RUNX1: variants seen among roughly 807,000 people sequenced by gnomAD.
RUNX1 encodes RUNX family transcription factor 1.
In RUNX1, 19 loss-of-function variants were observed where a neutral mutation model predicts 42.8. The ratio of observed to expected loss-of-function variants is 0.44; its 90% confidence interval spans 0.31 to 0.65. The LOEUF is 0.65. Ranked by LOEUF, RUNX1 falls within the 30% of genes least tolerant of loss-of-function variation. The pLI, the probability that RUNX1 is intolerant of heterozygous loss-of-function variation, is 0.07. For synonymous variants in RUNX1, 271 were observed against 289.4 expected (o/e 0.94, Z 0.64); for missense variants, 528 against 672.0 (o/e 0.79, Z 2.37).
At chr21:34,935,418 C>T (rs1025967286) in intron 2 of RUNX1, among the ~76,000 whole-genome samples, 2 of 151,996 alleles carry the variant, frequency 1.3e-5, no homozygotes, top group South Asian at 2.1e-4. Context: ...CAAACACATA[C>T]GGTATATGGA....
intron 6 of RUNX1, among the ~76,000 whole-genome samples, chr21:34,846,630 G>C (rs56399902): frequency 0.024 from 3,687 of 152,122 alleles, 48 homozygotes; most frequent in African/African-American, 0.03. Flanking sequence ...TAGACTCCAC[G>C]GGCAGGCCCG....
chr21:34,989,177 T>C (rs1021550463), intron 2 of RUNX1, among the ~76,000 whole-genome samples: 5 of 152,026 alleles, frequency 3.3e-5, no homozygotes, highest in African/African-American at 9.7e-5. Flanking sequence ...CCCAGCTAAT[T>C]TTTGTATTTT....
At chr21:34,840,107 T>C (rs191038898) in intron 6 of RUNX1, among the ~76,000 whole-genome samples, 1 of 152,340 alleles carries the variant, frequency 6.6e-6, no homozygotes, top group East Asian at 1.9e-4. Context: ...ACTGTCATGA[T>C]AATCAGTCTG....
At chr21:35,035,429 G>A (rs544216495) in intron 2 of RUNX1, among the ~76,000 whole-genome samples, 1 of 152,334 alleles carries the variant, frequency 6.6e-6, no homozygotes, top group South Asian at 2.1e-4. Flanking sequence ...AAGCCGAAGA[G>A]AATCTGGACT....
intron 2 of RUNX1, among the ~76,000 whole-genome samples, chr21:34,914,643 T>C (rs2058297919): frequency 6.6e-6 from 1 of 152,162 alleles, no homozygotes; most frequent in Non-Finnish European, 1.5e-5. Context: ...CTCCCTCCAC[T>C]TGGAGCTAGT....
chr21:34,792,682 C>T lies in RUNX1; in HGVS notation c.968-72G>A. On this transcript the variant is annotated intron_variant, in intron 8 of 8. Coordinates refer to ENST00000675419, the MANE Select transcript of RUNX1 (RefSeq NM_001754.5). The surrounding 1 kb of genome is among the most constrained non-coding windows in gnomAD (Gnocchi z 6.9). ...GGAGGCCACAGCTCTTCCCTCTGCCCCAGGGGGCTACCCAGGATGATACCG... is the reference window on the plus strand; with the variant it reads ...GGAGGCCACAGCTCTTCCCTCTGCCTCAGGGGGCTACCCAGGATGATACCG... 1.4e-6 allele frequency: 2 copies of T among 1,393,298 alleles called. No individual in the cohort carries two copies. The highest frequency in any genetic ancestry group is 2.7e-5 in the South Asian group (2 of 74,286). 86.3% of individuals were successfully genotyped at this position (1,393,298 alleles called of 1,614,324 possible).
chr21:34,974,236 A>G (rs1189483052), intron 2 of RUNX1, among the ~76,000 whole-genome samples: 3 of 152,112 alleles, frequency 2.0e-5, no homozygotes, highest in Non-Finnish European at 2.9e-5. Flanking sequence ...GCCTTCTGAG[A>G]TCCGAACAAT....
At chr21:34,975,260 T>C (rs989598455) in intron 2 of RUNX1, among the ~76,000 whole-genome samples, 2 of 152,254 alleles carry the variant, frequency 1.3e-5, no homozygotes, top group Admixed American at 1.3e-4. Flanking sequence ...AAGATACATA[T>C]TTGGCTTCAT....
At chr21:34,930,530 T>G (rs2058435345) in intron 2 of RUNX1, among the ~76,000 whole-genome samples, 1 of 151,840 alleles carries the variant, frequency 6.6e-6, no homozygotes, top group South Asian at 2.1e-4. Flanking sequence ...AGGGGACATG[T>G]GCTCAATGGG....
chr21:34,947,685 A>G (rs1396610951), intron 2 of RUNX1, among the ~76,000 whole-genome samples: 3 of 152,232 alleles, frequency 2.0e-5, no homozygotes, highest in Admixed American at 1.3e-4. Context: ...TAAATGGCAC[A>G]AAAGACTTTT....
At chr21:34,830,148 CA>C (rs1468899683) in intron 7 of RUNX1, among the ~76,000 whole-genome samples, 1 of 152,178 alleles carries the variant, frequency 6.6e-6, no homozygotes, top group Non-Finnish European at 1.5e-5. Context: ...CCATATGGAA[CA>C]CTCAAAGTGA....
At chr21:34,850,650 G>A (rs1245362292) in intron 6 of RUNX1, among the ~76,000 whole-genome samples, 2 of 152,136 alleles carry the variant, frequency 1.3e-5, no homozygotes, top group African/African-American at 4.8e-5. Context: ...ACATTTGGGG[G>A]CAAGGCCATT....
intron 2 of RUNX1, among the ~76,000 whole-genome samples, chr21:34,974,356 G>A (rs2058784747): frequency 6.6e-6 from 1 of 151,652 alleles, no homozygotes; most frequent in Admixed American, 6.6e-5. Flanking sequence ...ACGGAAACGA[G>A]GGCAAGCTTT....
intron 2 of RUNX1, among the ~76,000 whole-genome samples, chr21:34,910,253 C>T (rs944968417): frequency 1.3e-5 from 2 of 152,314 alleles, no homozygotes; most frequent in South Asian, 2.1e-4. Context: ...CAGCAAAGGG[C>T]TCCAACTTCT....
chr21:34,798,549 G>A (rs1055675670), intron 8 of RUNX1, among the ~76,000 whole-genome samples: 7 of 151,892 alleles, frequency 4.6e-5, no homozygotes, highest in African/African-American at 9.7e-5. Flanking sequence ...GTATACAGTC[G>A]GTTCTCTATA....
chr21:34,838,053 A>G (rs904781519), intron 6 of RUNX1, among the ~76,000 whole-genome samples: 7 of 152,172 alleles, frequency 4.6e-5, no homozygotes, highest in African/African-American at 1.4e-4. Flanking sequence ...AGGCATTCCT[A>G]TTGTTTTCGG....
intron 2 of RUNX1, among the ~76,000 whole-genome samples, chr21:35,004,354 C>T (rs769758693): frequency 6.6e-6 from 1 of 152,216 alleles, no homozygotes; most frequent in Non-Finnish European, 1.5e-5. Flanking sequence ...CAAGACACCA[C>T]TTTTGTATGA....
intron 2 of RUNX1, among the ~76,000 whole-genome samples, chr21:34,995,928 T>A (rs1437844739): frequency 1.5e-3 from 230 of 152,348 alleles, no homozygotes; most frequent in Middle Eastern, 0.01. Flanking sequence ...GTGTTTCTTT[T>A]TATACTTGGC....
chr21:34,872,045 C>T (rs963871556), intron 5 of RUNX1, among the ~76,000 whole-genome samples: 13 of 151,996 alleles, frequency 8.6e-5, no homozygotes, highest in South Asian at 2.1e-4. Context: ...GGTTTCACCA[C>T]GTTGGCCAAG....
Sources: allele counts gnomAD v4.1 joint callset (sites outside exome capture counted in the v4.1 genomes callset), GRCh38; gene constraint gnomAD v4.1.1; non-coding constraint Gnocchi (gnomAD v3.1); transcripts MANE v1.5; gene names NCBI Gene and HGNC (gene_info 2026-07-23, HGNC 2026-07-21).